Variants in GATB observed in about 807,000 individuals in gnomAD.
GATB encodes the protein glutamyl-tRNA amidotransferase subunit B, also known as glutamyl-tRNA(Gln) amidotransferase subunit B, mitochondrial.
In GATB, 39 loss-of-function variants were observed where a neutral mutation model predicts 62.3. The ratio of observed to expected loss-of-function variants is 0.63; its 90% confidence interval spans 0.48 to 0.82. The LOEUF is 0.82. GATB is among the 40% of genes least tolerant of loss of function. The probability of loss-of-function intolerance (pLI) is 0.00; values close to 1 mark genes in which losing one functional copy is unlikely to be tolerated. For missense variants in GATB, 670 were observed against 684.0 expected, an observed-to-expected ratio of 0.98 and a Z score of 0.23; for synonymous variants, 276 against 258.9, an observed-to-expected ratio of 1.07 and a Z score of -0.63.
At chr4:151,705,106 C>A in intron 7 of GATB, 79 bp downstream of exon 7, 2 of 929,238 alleles carry the variant, frequency 2.2e-6, no homozygotes, top group Non-Finnish European at 3.5e-6. Context: ...TTCAAGGTCA[C>A]ATGGCTGGTC....
intron 2 of GATB, among the ~76,000 whole-genome samples, chr4:151,750,040 C>G (rs1444947971): frequency 6.6e-6 from 1 of 152,158 alleles, no homozygotes; most frequent in African/African-American, 2.4e-5. Flanking sequence ...CGCCACCACA[C>G]CCAGCTAATT....
At position 151,730,279 on chromosome 4, in the gene GATB, AAGG is replaced by A. The variant is rs1739217406; in HGVS notation, c.328-10744_328-10742del. Among the ~76,000 whole-genome samples, 1 of 152,166 alleles carries A rather than the reference AAGG, an allele frequency of 6.6e-6. No homozygotes were observed. The highest frequency in any genetic ancestry group is 2.4e-5 in the African/African-American group (1 of 41,438). ...ACAGCAGCCGCAGCAAGACCCGCCCAAGGAGAGTCTGAGCTCAGACATGCCTAG... is the reference window on the plus strand; with the variant it reads ...ACAGCAGCCGCAGCAAGACCCGCCCAAGAGTCTGAGCTCAGACATGCCTAG... On this transcript the variant is annotated intron_variant, in intron 2 of 12. Transcript: ENST00000263985. The surrounding 1 kb of genome is among the most constrained non-coding windows in gnomAD (Gnocchi z 4.1).
intron 9 of GATB, among the ~76,000 whole-genome samples, chr4:151,697,975 A>ATGTG (rs1189107187): frequency 1.6e-5 from 2 of 125,812 alleles, no homozygotes; most frequent in African/African-American, 7.0e-5. Context: ...ATATATATAT[A>ATGTG]TATATATATA....
chr4:151,708,433 T>G (rs1473217630), intron 5 of GATB, among the ~76,000 whole-genome samples: 1 of 152,226 alleles, frequency 6.6e-6, no homozygotes, highest in African/African-American at 2.4e-5. Flanking sequence ...AAAACAAAAC[T>G]ATTAAAATGG....
chr4:151,699,573 A>G lies in GATB; in HGVS notation c.1197+1756T>C, dbSNP rs564052411. ...AGACAAGGACACAAACACAAATACAAAAATGTCCCTGCCCTCATGGAGCTT... is the reference window on the plus strand; with the variant it reads ...AGACAAGGACACAAACACAAATACAGAAATGTCCCTGCCCTCATGGAGCTT... On this transcript the variant is annotated intron_variant, in intron 9 of 12. Coordinates refer to ENST00000263985, the MANE Select transcript of GATB (RefSeq NM_004564.3). Among the ~76,000 whole-genome samples the G allele has an allele frequency of 4.6e-4, 70 of 152,194 alleles. 2 individuals carry two copies. Among genetic ancestry groups the G allele is most frequent in the Admixed American group, 4.1e-3 (63 of 15,296 alleles).
intron 10 of GATB, among the ~76,000 whole-genome samples, chr4:151,686,126 C>T (rs12647462): frequency 0.42 from 63,323 of 151,758 alleles, 13,692 homozygotes; most frequent in South Asian, 0.57. Context: ...GGCAGGTGCT[C>T]TGGTATTCAG....
chr4:151,699,920 G>A (rs1387963965), intron 9 of GATB, among the ~76,000 whole-genome samples: 1 of 152,182 alleles, frequency 6.6e-6, no homozygotes, highest in Non-Finnish European at 1.5e-5. Context: ...TGAGTGGAGG[G>A]AGGTAACTTA....
chr4:151,672,155 A>C (rs766920786), intron 12 of GATB, among the ~76,000 whole-genome samples: 7 of 152,194 alleles, frequency 4.6e-5, no homozygotes, highest in Non-Finnish European at 7.3e-5. Context: ...CTGAAAAAAT[A>C]TCTCTAGACA....
chr4:151,689,282 A>C (rs1738314889), intron 9 of GATB, among the ~76,000 whole-genome samples: 1 of 152,246 alleles, frequency 6.6e-6, no homozygotes, highest in African/African-American at 2.4e-5. Flanking sequence ...ACCTGTACTG[A>C]TTCTCACATC....
rs1415460323 is a variant in GATB, at chr4:151,688,666, C to T, written c.1295G>A (p.Gly432Asp). The T allele has an allele frequency of 5.6e-6, 9 of 1,611,918 alleles. No homozygotes were observed. The highest frequency in any genetic ancestry group is 2.2e-5 in the East Asian group (1 of 44,874). The change falls in exon 10 of 13, where the codon GGC (glycine) becomes GAC (aspartate). Residue 432 changes from glycine to aspartate, a missense_variant. Transcript: ENST00000263985. ...AGCGAGGTTCTGTTGCTTTAAATAG[C>T]CCAGAAAAGTGTTGAGGACCCAACT... Reference protein sequence around the residue: ...VTSWVLNTFLGYLKQQNLAVS... With the variant: ...VTSWVLNTFLDYLKQQNLAVS...
At chr4:151,678,075 C>T (rs1013203529) in intron 11 of GATB, among the ~76,000 whole-genome samples, 2 of 151,802 alleles carry the variant, frequency 1.3e-5, no homozygotes, top group Non-Finnish European at 2.9e-5. Context: ...CCCAGAAAAT[C>T]AGTAATTTCC....
intron 10 of GATB, among the ~76,000 whole-genome samples, chr4:151,681,647 A>G (rs569837041): frequency 2.0e-5 from 3 of 152,280 alleles, no homozygotes; most frequent in East Asian, 1.9e-4. Context: ...GGCCCATACA[A>G]GTCGATGATT....
chr4:151,674,782 C>T (rs1737960325), intron 11 of GATB: 1 of 152,186 alleles, frequency 6.6e-6, no homozygotes, highest in South Asian at 2.1e-4. Flanking sequence ...GCACAGACTC[C>T]CAAAAAAGCT....
In GATB at chr4:151,731,968, C is replaced by T. The variant is rs867715671; in HGVS notation, c.328-12430G>A. 2.8e-4 allele frequency among the ~76,000 whole-genome samples: 31 copies of T among 109,970 alleles called. No homozygotes were observed. In the Middle Eastern group the frequency reaches 0.014, roughly 49 times the overall value. The allele number at this position is 109,970 out of a possible 152,430, so 72.1% of individuals were successfully genotyped here. On this transcript the variant is annotated intron_variant, in intron 2 of 12. Coordinates refer to ENST00000263985, the MANE Select transcript of GATB (RefSeq NM_004564.3). ...CCCGTCCGGGAGGGAAGTGGGGGGT[C>T]AGCCCCTGCCCGGCCAGCCGCCCCG...
intron 1 of GATB, among the ~76,000 whole-genome samples, chr4:151,760,548 A>G (rs1481457381): frequency 6.6e-6 from 1 of 152,070 alleles, no homozygotes; most frequent in Non-Finnish European, 1.5e-5. Flanking sequence ...CTGTCTGTGC[A>G]CCCTTCAAGA....
intron 11 of GATB, chr4:151,674,731 G>A (rs1055328453): frequency 2.0e-5 from 3 of 152,130 alleles, no homozygotes; most frequent in Non-Finnish European, 2.9e-5. Flanking sequence ...TCCCCTCCTC[G>A]TAGATATCTA....
chr4:151,696,861 A>G (rs1738481056), intron 9 of GATB, among the ~76,000 whole-genome samples: 1 of 152,250 alleles, frequency 6.6e-6, no homozygotes, highest in South Asian at 2.1e-4. Context: ...TGATCATTGT[A>G]TTATAATAAC....
At chr4:151,760,716 G>T in intron 1 of GATB, 91 bp downstream of exon 1, 1 of 1,260,268 alleles carries the variant, frequency 7.9e-7, no homozygotes, top group Non-Finnish European at 1.1e-6. Flanking sequence ...CAGCCAAAAC[G>T]TCTAGAAGCT....
At chr4:151,734,445 A>C (rs1000675103) in intron 2 of GATB, among the ~76,000 whole-genome samples, 3 of 152,164 alleles carry the variant, frequency 2.0e-5, no homozygotes, top group African/African-American at 7.2e-5. Flanking sequence ...GAAATCACAA[A>C]TGACACAGAC....
Sources: gnomAD v4.1 joint callset for allele counts (sites outside exome capture counted in the v4.1 genomes callset) on GRCh38, gnomAD v4.1.1 for gene constraint, Gnocchi (gnomAD v3.1) non-coding constraint, MANE v1.5 for transcripts, NCBI Gene and HGNC (gene_info 2026-07-23, HGNC 2026-07-21) for gene names.